MBD1: variants seen among roughly 807,000 people sequenced by gnomAD.
The protein encoded by MBD1 is methyl-CpG binding domain protein 1, also known as methyl-CpG-binding domain protein 1.
In MBD1, 25 loss-of-function variants were observed where a neutral mutation model predicts 82.6. That is an observed-to-expected ratio of 0.30 (90% CI 0.22 to 0.42). The LOEUF is 0.42. Among genes scored for constraint, MBD1 ranks in the 10% least tolerant of loss-of-function variants. MBD1 has a pLI of 1.00. For missense variants in MBD1, 627 were observed against 819.6 expected (o/e 0.76, Z 2.87); for synonymous variants, 301 against 303.7 (o/e 0.99, Z 0.09).
Position 50,269,401 on chromosome 18 carries a change from T to A in MBD1, c.*450A>T. 2 of 1,116,572 alleles carry A rather than the reference T, an allele frequency of 1.8e-6. No homozygotes were observed. Among genetic ancestry groups the A allele is most frequent in the East Asian group, 2.7e-5 (1 of 36,726 alleles). 69.2% of individuals were successfully genotyped at this position (1,116,572 alleles called of 1,614,324 possible). A position where few individuals can be genotyped will look rare whatever the true frequency, so the allele number is the denominator to read the frequency against. ...CCAGTAAGATGGGCCACAAGAGACA[T>A]TTTGCTTGATAACCGGAGGGCGGAA... On this transcript the variant is annotated 3_prime_UTR_variant, in exon 17 of 17. Transcript: ENST00000269468.
chr18:50,267,584 C>T (rs2034054630), downstream of MBD1: 3 of 1,529,210 alleles, frequency 2.0e-6, no homozygotes, highest in Middle Eastern at 5.0e-4. Context: ...ACAGGAAACA[C>T]AAATCAGGGA....
In MBD1 at chr18:50,269,777, A is replaced by C. The variant is rs766338708; in HGVS notation, c.*74T>G. On this transcript the variant is annotated 3_prime_UTR_variant, in exon 17 of 17. Coordinates refer to ENST00000269468, the MANE Select transcript of MBD1 (RefSeq NM_015846.4). ...CTCCACTGTGTCCTCGGTCTCCCAC[A>C]CTTTACATCCATCTTCCCTTCCCGA... 1 of 783,980 alleles carries C rather than the reference A, an allele frequency of 1.3e-6. No homozygotes were observed. The highest frequency in any genetic ancestry group is 2.4e-6 in the Non-Finnish European group (1 of 420,946). 48.6% of individuals were successfully genotyped at this position (783,980 alleles called of 1,614,324 possible). A position where few individuals can be genotyped will look rare whatever the true frequency, so the allele number is the denominator to read the frequency against.
intron 1 of MBD1, 108 bp from the exon 2 acceptor site, chr18:50,280,125 A>AAT: frequency 3.6e-6 from 4 of 1,108,220 alleles, no homozygotes; most frequent in Non-Finnish European, 3.8e-6. Flanking sequence ...CCCAAGCCCT[A>AAT]GGACCTGCCA....
intron 16 of MBD1, chr18:50,270,969 ACAAAAT>A: frequency 1.1e-6 from 1 of 911,140 alleles, no homozygotes; most frequent in Non-Finnish European, 1.3e-6. Flanking sequence ...ACATAAATGG[ACAAAAT>A]CAATGTCTTC....
chr18:50,274,502 C>T, intron 10 of MBD1, 149 bp from the exon 11 acceptor site: 1 of 813,552 alleles, frequency 1.2e-6, no homozygotes, highest in South Asian at 1.7e-5. Flanking sequence ...CCCCACTAGT[C>T]ACTCCTCAGC....
At chr18:50,269,880 C>CA in intron 16 of MBD1, 62 bp from the exon 17 acceptor site, 1 of 972,846 alleles carries the variant, frequency 1.0e-6, no homozygotes, top group East Asian at 2.4e-5. Flanking sequence ...AACCAGCTCC[C>CA]ACAATGGCAT....
chr18:50,272,761 G>T, intron 14 of MBD1, 23 bp from the exon 15 acceptor site: 4 of 1,614,198 alleles, frequency 2.5e-6, no homozygotes, highest in Non-Finnish European at 3.4e-6. Context: ...TAACACCATA[G>T]GTCAATGTGG....
chr18:50,272,662 CT>C lies in MBD1; in HGVS notation c.1778+14del, dbSNP rs755582840. The C allele has an allele frequency of 1.9e-6, 3 of 1,613,962 alleles. No individual in the cohort carries two copies. In the Admixed American group the frequency reaches 5.0e-5, roughly 27 times the overall value. On this transcript the variant is annotated intron_variant, in intron 15 of 16. Coordinates refer to ENST00000269468, the MANE Select transcript of MBD1 (RefSeq NM_015846.4). Reference sequence around the variant, plus strand: ...ACACCCACTCCTTCCCCACCCCTCACTGTGTGGGGCACACCTTGGCAACCAG... The same window carrying C: ...ACACCCACTCCTTCCCCACCCCTCACGTGTGGGGCACACCTTGGCAACCAG...
At chr18:50,268,111 C>G (rs1380237018), downstream of MBD1, among the ~76,000 whole-genome samples, 1 of 152,204 alleles carries the variant, frequency 6.6e-6, no homozygotes, top group Non-Finnish European at 1.5e-5. Flanking sequence ...TCCAGAGGGG[C>G]GGTTCTTTGA....
At position 50,273,793 on chromosome 18, in the gene MBD1, C is replaced by T. The variant is rs368378616; in HGVS notation, c.1217G>A (p.Arg406Gln). Residue 406 changes from arginine to glutamine, a missense_variant, in exon 12 of 17, where the codon CGA becomes CAA. By Grantham distance (43) the Arg-to-Gln change is conservative. Coordinates refer to ENST00000269468, the MANE Select transcript of MBD1 (RefSeq NM_015846.4). ...CCGTCGGGCAGAGCTGGGCCTCTTT[C>T]GACGACGGTAAGGTGGGGGCGATCC... ...GAGSPPPYRR[R>Q]KRPSSARRHH... The T allele has an allele frequency of 1.2e-5, 19 of 1,613,816 alleles. No homozygotes were observed. The African/African-American group carries it at 1.2e-4, about 10-fold the overall frequency.
At position 50,275,952 on chromosome 18, in the gene MBD1, G is replaced by C; in HGVS notation, c.546C>G (p.Cys182Trp). The C allele has an allele frequency of 6.2e-7, 1 of 1,613,382 alleles. No homozygotes were observed. The highest frequency in any genetic ancestry group is 2.2e-5 in the East Asian group (1 of 44,888). Residue 182 changes from cysteine to tryptophan, a missense_variant, in exon 7 of 17, where the codon TGC becomes TGG. Transcript: ENST00000269468. Reference sequence around the variant, plus strand: ...AGGCCCCACAGTCTTCTGTTACCTGGCAGGCTGCACACTCCCCACAGCCCA... The same window carrying C: ...AGGCCCCACAGTCTTCTGTTACCTGCCAGGCTGCACACTCCCCACAGCCCA... ...KRVGCGECAACQVTEDCGACS... is the reference protein window; with the variant it reads ...KRVGCGECAAWQVTEDCGACS...
intron 2 of MBD1, chr18:50,279,605 A>G: frequency 2.5e-6 from 1 of 408,128 alleles, no homozygotes; most frequent in Non-Finnish European, 4.6e-6. Context: ...AAAGCTGAAA[A>G]GGGCTCCTTC....
In MBD1 at chr18:50,276,966, T is replaced by C. The variant is rs747812240; in HGVS notation, c.258A>G (p.Arg86=). ...AHPVAVASKK[R]KKPSRPAKTR... ...TCTTGGCTGGCCTTGAAGGCTTCTTTCGCTTCTTGCTGGCAACCGCCACGG... is the reference window on the plus strand; with the variant it reads ...TCTTGGCTGGCCTTGAAGGCTTCTTCCGCTTCTTGCTGGCAACCGCCACGG... The change falls in exon 4 of 17, where the codon CGA becomes CGG. Residue 86 remains arginine (R), a synonymous_variant. Transcript: ENST00000269468. 18 of 1,614,084 alleles carry C rather than the reference T, an allele frequency of 1.1e-5. No individual in the cohort carries two copies. The African/African-American group carries it at 2.3e-4, about 20-fold the overall frequency.
Position 50,280,692 on chromosome 18 carries a change from C to T in MBD1, c.-26+671G>A, listed in dbSNP as rs535054259. On this transcript the variant is annotated intron_variant, in intron 1 of 16. Transcript: ENST00000269468. ...GCCTCCCATGCCTCCCCTTCCTCAG[C>T]CCAAGACCTCCCCCCTTATTTTTCT... Among the ~76,000 whole-genome samples the T allele has an allele frequency of 7.2e-5, 11 of 152,104 alleles. No homozygotes were observed. In the South Asian group the frequency reaches 2.3e-3, roughly 32 times the overall value.
rs2040200690 is a variant in MBD1 at position 50,281,319 on chromosome 18, C to A, written c.-26+44G>T. ...TTCTGAGCCACAATTCCTTCCCATCCTCCGCCTGAGCGCTCTCCACGTCCA... is the reference window on the plus strand; with the variant it reads ...TTCTGAGCCACAATTCCTTCCCATCATCCGCCTGAGCGCTCTCCACGTCCA... On this transcript the variant is annotated intron_variant, in intron 1 of 16. Coordinates refer to ENST00000269468, the MANE Select transcript of MBD1 (RefSeq NM_015846.4). 4 of 1,231,560 alleles carry A rather than the reference C, an allele frequency of 3.2e-6. No individual in the cohort carries two copies. In the East Asian group the frequency reaches 1.0e-4, roughly 31 times the overall value. The allele number at this position is 1,231,560 out of a possible 1,614,324, so 76.3% of individuals were successfully genotyped here.
At chr18:50,278,688 A>T (rs1428169202) in intron 2 of MBD1, among the ~76,000 whole-genome samples, 3 of 152,234 alleles carry the variant, frequency 2.0e-5, no homozygotes, top group Non-Finnish European at 4.4e-5. Context: ...ATAAACATCT[A>T]TGTTGACTCT....
rs751885186 is a variant in MBD1, at chr18:50,275,650, G to T, written c.742C>A (p.Arg248Ser). 6.2e-7 allele frequency: 1 copy of T among 1,614,080 alleles called. No homozygotes were observed. Among genetic ancestry groups the T allele is most frequent in the Non-Finnish European group, 8.5e-7 (1 of 1,180,036 alleles). ...TTCCACTGGCGCCTGAGACCAGGGC[G>T]GGGAGGGCGAAGGCAGATGGGGCAA... ...GHCPICLRPP[R>S]PGLRRQWKCV... Residue 248 changes from arginine (R) to serine (S), a missense_variant, in exon 8 of 17, where the codon CGC becomes AGC. By Grantham distance (110) the Arg-to-Ser change is moderately radical. Around this residue, in one of 6 missense-constraint regions of MBD1, gnomAD observed 228 missense variants for 318.1 expected, o/e 0.72. Transcript: ENST00000269468.
intron 15 of MBD1, 45 bp downstream of exon 15, chr18:50,272,632 G>A (rs1568197764): frequency 1.2e-6 from 2 of 1,607,184 alleles, no homozygotes; most frequent in Non-Finnish European, 1.7e-6. Flanking sequence ...GCCCACATCT[G>A]GCCAACACCC....
At chr18:50,273,981 A>G (rs1292012440) in intron 11 of MBD1, 118 bp from the exon 12 acceptor site, 2 of 1,404,102 alleles carry the variant, frequency 1.4e-6, no homozygotes, top group Non-Finnish European at 2.0e-6. Context: ...CTGCTTACAT[A>G]TGAGCCCTTC....
Sources: gnomAD v4.1 joint callset for allele counts (sites outside exome capture counted in the v4.1 genomes callset) on GRCh38, gnomAD v4.1.1 for gene constraint, gnomAD v4.1.1 regional missense constraint, MANE v1.5 for transcripts, NCBI Gene and HGNC (gene_info 2026-07-23, HGNC 2026-07-21) for gene names.